NOL10: variants seen among roughly 807,000 people sequenced by gnomAD.
NOL10 encodes H_NH0074G24.1.
In NOL10, 58 loss-of-function variants were observed where a neutral mutation model predicts 103.5. The observed-to-expected ratio is 0.56, with a 90% confidence interval of 0.45 to 0.70. The LOEUF (loss-of-function observed/expected upper bound fraction) is 0.70. Among genes scored for constraint, NOL10 ranks in the 30% least tolerant of loss-of-function variants. The pLI is 0.00. For synonymous variants in NOL10, 287 were observed against 282.5 expected, an observed-to-expected ratio of 1.02 and a Z score of -0.16; for missense variants, 763 against 807.3, an observed-to-expected ratio of 0.95 and a Z score of 0.67.
intron 13 of NOL10, among the ~76,000 whole-genome samples, chr2:10,633,168 G>T (rs1395243556): frequency 6.6e-6 from 1 of 151,966 alleles, no homozygotes; most frequent in Non-Finnish European, 1.5e-5. Flanking sequence ...TCCTTGGCTC[G>T]CGGGGTGAAT....
chr2:10,626,580 G>C (rs544952024), intron 13 of NOL10, among the ~76,000 whole-genome samples: 1 of 151,698 alleles, frequency 6.6e-6, no homozygotes, highest in Non-Finnish European at 1.5e-5. Context: ...TAAAGACATC[G>C]CCACCTAAGT....
At chr2:10,593,653 T>A (rs994310118) in intron 17 of NOL10, among the ~76,000 whole-genome samples, 22 of 152,162 alleles carry the variant, frequency 1.4e-4, no homozygotes, top group African/African-American at 4.8e-4. Context: ...AAAGAAAGCC[T>A]ATTTAAAAAT....
chr2:10,689,679 C>T, intron 1 of NOL10, 117 bp downstream of exon 1: 1 of 1,036,534 alleles, frequency 9.6e-7, no homozygotes, highest in Non-Finnish European at 1.4e-6. Flanking sequence ...CTCCCCGAGT[C>T]GGGGGGTGAC....
intron 6 of NOL10, among the ~76,000 whole-genome samples, chr2:10,669,742 A>C (rs1680808660): frequency 6.6e-6 from 1 of 151,532 alleles, no homozygotes; most frequent in Non-Finnish European, 1.5e-5. Context: ...AAATACAAAA[A>C]TTACCTGGGC....
intron 1 of NOL10, among the ~76,000 whole-genome samples, chr2:10,687,824 G>A (rs747472531): frequency 2.6e-5 from 4 of 152,102 alleles, no homozygotes; most frequent in East Asian, 3.9e-4. Flanking sequence ...GTGGTGGCAC[G>A]TGCCTGTAGT....
chr2:10,590,883 T>G (rs1181581422), intron 17 of NOL10: 1 of 152,220 alleles, frequency 6.6e-6, no homozygotes, highest in East Asian at 1.9e-4. Context: ...TTACTCAGAA[T>G]TGTTTGTCAA....
intron 13 of NOL10, among the ~76,000 whole-genome samples, chr2:10,620,362 TA>T (rs1187665393): frequency 5.9e-5 from 9 of 152,180 alleles, no homozygotes; most frequent in African/African-American, 2.2e-4. Context: ...AAAAAAATTA[TA>T]TGTACACTTT....
chr2:10,624,730 AAACGT>A (rs1677354111), intron 13 of NOL10, among the ~76,000 whole-genome samples: 1 of 152,158 alleles, frequency 6.6e-6, no homozygotes, highest in South Asian at 2.1e-4. Context: ...TCTCAAAACT[AAACGT>A]ATTGTGACCA....
chr2:10,600,794 A>G, intron 17 of NOL10, 59 bp downstream of exon 17: 1 of 1,088,676 alleles, frequency 9.2e-7, no homozygotes, highest in Non-Finnish European at 1.4e-6. Context: ...ACAATAAAAA[A>G]GATGTAAGTT....
At chr2:10,577,860 C>A in intron 19 of NOL10, 122 bp from the exon 20 acceptor site, 1 of 645,414 alleles carries the variant, frequency 1.5e-6, no homozygotes, top group South Asian at 1.9e-5. Context: ...CAGAAAATAT[C>A]ATTCATTTAA....
chr2:10,578,608 A>C (rs1674594610), intron 19 of NOL10, among the ~76,000 whole-genome samples: 1 of 151,364 alleles, frequency 6.6e-6, no homozygotes, highest in Admixed American at 6.6e-5. Context: ...CTTTCCAATA[A>C]AGAGGTTAAG....
intron 13 of NOL10, among the ~76,000 whole-genome samples, chr2:10,628,711 C>CA (rs1319879574): frequency 2.6e-5 from 4 of 152,032 alleles, no homozygotes; most frequent in Non-Finnish European, 4.4e-5. Flanking sequence ...TACGTCATAC[C>CA]AAAAAATCCC....
chr2:10,638,791 C>A (rs1678492333), intron 13 of NOL10, among the ~76,000 whole-genome samples: 1 of 108,154 alleles, frequency 9.2e-6, no homozygotes, highest in African/African-American at 3.8e-5. Flanking sequence ...CCGTGCCTGG[C>A]CTTTTTTTTT....
At chr2:10,682,987 G>A (rs181819027) in intron 2 of NOL10, among the ~76,000 whole-genome samples, 43 of 152,224 alleles carry the variant, frequency 2.8e-4, no homozygotes, top group Middle Eastern at 3.4e-3. Flanking sequence ...GTTTCACTAC[G>A]TTGGCCAGGC....
chr2:10,666,951 GTATT>G (rs1176458049), intron 8 of NOL10, among the ~76,000 whole-genome samples: 4 of 152,058 alleles, frequency 2.6e-5, no homozygotes, highest in Non-Finnish European at 5.9e-5. Flanking sequence ...AAAACTATGA[GTATT>G]TATCATTATT....
rs1243091085 is a variant in NOL10, at chr2:10,571,124, T to C, written c.*947A>G. ...GCTCTGTGTCCCCACACAAATCTCA[T>C]GTCAAATTGTAATCTTCGGTGTTGG... On this transcript the variant is annotated 3_prime_UTR_variant, in exon 21 of 21. Coordinates refer to ENST00000381685, the MANE Select transcript of NOL10 (RefSeq NM_024894.4). The C allele has an allele frequency of 6.6e-6, 1 of 152,212 alleles. No homozygotes were observed. Among genetic ancestry groups the C allele is most frequent in the East Asian group, 1.9e-4 (1 of 5,204 alleles). 9.4% of individuals were successfully genotyped at this position (152,212 alleles called of 1,614,324 possible).
intron 8 of NOL10, among the ~76,000 whole-genome samples, chr2:10,664,310 C>T (rs1680436719): frequency 6.6e-6 from 1 of 151,978 alleles, no homozygotes; most frequent in Non-Finnish European, 1.5e-5. Context: ...TGCTTGTAAT[C>T]CCAGCTATTC....
At chr2:10,590,254 G>A (rs538537857) in intron 17 of NOL10, among the ~76,000 whole-genome samples, 8 of 152,168 alleles carry the variant, frequency 5.3e-5, no homozygotes, top group Non-Finnish European at 7.4e-5. Flanking sequence ...GGGACCACAG[G>A]TGCACCACCG....
At chr2:10,672,451 T>C (rs1232318458) in intron 5 of NOL10, among the ~76,000 whole-genome samples, 1 of 152,206 alleles carries the variant, frequency 6.6e-6, no homozygotes, top group Non-Finnish European at 1.5e-5. Context: ...AGATGGTATT[T>C]AAAGGCAAAT....
Sources: gnomAD v4.1 joint callset for allele counts (sites outside exome capture counted in the v4.1 genomes callset) on GRCh38, gnomAD v4.1.1 for gene constraint, MANE v1.5 for transcripts, NCBI Gene and HGNC (gene_info 2026-07-23, HGNC 2026-07-21) for gene names.